The following CPED1 variants were observed in gnomAD, a reference collection of about 807,000 sequenced individuals.
CPED1 encodes cadherin like and PC-esterase domain containing 1, also known as cadherin-like and PC-esterase domain-containing protein 1.
Under a neutral mutation model 128.2 loss-of-function variants are expected in CPED1, and 114 were observed. That is an observed-to-expected ratio of 0.89 (90% CI 0.76 to 1.04). The LOEUF (loss-of-function observed/expected upper bound fraction) is 1.04, where lower values mean the gene tolerates loss of function less well. CPED1 is among the 50% of genes least tolerant of loss of function. CPED1 has a pLI of 0.00. For missense variants in CPED1, 1,211 were observed against 1,207.1 expected (o/e 1.00, Z -0.05); for synonymous variants, 462 against 426.7 (o/e 1.08, Z -1.02).
At chr7:121,288,881 G>A (rs1792636608) in intron 22 of CPED1, among the ~76,000 whole-genome samples, 1 of 152,156 alleles carries the variant, frequency 6.6e-6, no homozygotes, top group South Asian at 2.1e-4. Flanking sequence ...AAGGTCGAAT[G>A]TTATATTTAT....
At chr7:121,045,279 C>T (rs1793165640) in intron 3 of CPED1, among the ~76,000 whole-genome samples, 1 of 152,280 alleles carries the variant, frequency 6.6e-6, no homozygotes, top group East Asian at 1.9e-4. Context: ...CCTTATTGTG[C>T]TGTCTTCCAG....
chr7:121,173,352 G>A (rs1245899402), intron 16 of CPED1, among the ~76,000 whole-genome samples: 1 of 151,900 alleles, frequency 6.6e-6, no homozygotes, highest in Non-Finnish European at 1.5e-5. Context: ...TCCTTACCCA[G>A]GTACTAAGCC....
intron 3 of CPED1, among the ~76,000 whole-genome samples, chr7:121,037,975 G>T (rs113621872): frequency 0.013 from 1,909 of 151,918 alleles, 14 homozygotes; most frequent in East Asian, 0.024. Flanking sequence ...ACTGATTTGT[G>T]TACATTAATT....
At chr7:121,064,148 T>A (rs1229061193) in intron 4 of CPED1, 90 bp from the exon 5 acceptor site, 1 of 843,890 alleles carries the variant, frequency 1.2e-6, no homozygotes, top group African/African-American at 1.7e-5. Flanking sequence ...GTGCATCCCA[T>A]CTATACTCTC....
intron 18 of CPED1, among the ~76,000 whole-genome samples, chr7:121,256,691 C>G (rs983812983): frequency 6.6e-6 from 1 of 151,996 alleles, no homozygotes; most frequent in Non-Finnish European, 1.5e-5. Context: ...CCAGCAAACC[C>G]ATTACTGGGT....
At chr7:121,261,941 T>A in intron 18 of CPED1, 1 of 464,534 alleles carries the variant, frequency 2.2e-6, no homozygotes, top group South Asian at 2.3e-5. Context: ...GGATGTTTGT[T>A]TCCTCCAAGT....
intron 3 of CPED1, among the ~76,000 whole-genome samples, chr7:121,021,917 A>G (rs1430701163): frequency 3.3e-5 from 5 of 151,990 alleles, no homozygotes; most frequent in African/African-American, 4.8e-5. Context: ...GGATGTTATT[A>G]TGGGTAAAAT....
At chr7:121,112,850 T>G (rs1269262699) in intron 7 of CPED1, among the ~76,000 whole-genome samples, 1 of 152,138 alleles carries the variant, frequency 6.6e-6, no homozygotes, top group Admixed American at 6.5e-5. Context: ...GCCACACTAA[T>G]GAAATACTTT....
At chr7:121,254,515 C>G (rs1301354201) in intron 18 of CPED1, among the ~76,000 whole-genome samples, 1 of 151,634 alleles carries the variant, frequency 6.6e-6, no homozygotes. Flanking sequence ...AAAAAGAGAA[C>G]AAACTAAGCC....
intron 18 of CPED1, among the ~76,000 whole-genome samples, chr7:121,255,267 G>A (rs945427730): frequency 2.0e-5 from 3 of 151,938 alleles, no homozygotes; most frequent in African/African-American, 7.2e-5. Flanking sequence ...ATGCAAATCA[G>A]TAAATGTGAT....
At chr7:121,271,043 A>C (rs1782998945) in intron 21 of CPED1, among the ~76,000 whole-genome samples, 1 of 152,080 alleles carries the variant, frequency 6.6e-6, no homozygotes. Context: ...CTTTTTACTG[A>C]AGAAGTTCAA....
At chr7:121,107,933 A>G (rs1795016979) in intron 7 of CPED1, among the ~76,000 whole-genome samples, 2 of 152,230 alleles carry the variant, frequency 1.3e-5, no homozygotes, top group Non-Finnish European at 2.9e-5. Flanking sequence ...TTCAGGAGAA[A>G]ATCTGACTTG....
chr7:121,236,807 A>C lies in CPED1; in HGVS notation c.2149A>C (p.Arg717=). 6.2e-7 allele frequency: 1 copy of C among 1,600,996 alleles called. No homozygotes were observed. The highest frequency in any genetic ancestry group is 1.7e-5 in the Admixed American group (1 of 58,238). Residue 717 remains arginine, a synonymous_variant, in exon 17 of 23, where the codon AGA becomes CGA. Transcript: ENST00000310396. ...AGCCATTTTACAGTCTGAACTAAAA[A>C]GATGTCCATCTGGGGACATGAAAGG... is the stretch of plus-strand genomic sequence containing the variant. The part of the protein sequence containing the change: ...IEAILQSELK[R]CPSGDMKGQW...
chr7:121,163,498 T>C (rs1796456968), intron 16 of CPED1, among the ~76,000 whole-genome samples: 1 of 152,232 alleles, frequency 6.6e-6, no homozygotes, highest in African/African-American at 2.4e-5. Context: ...CTCCAGAGCC[T>C]ACAGGCTGCT....
intron 5 of CPED1, among the ~76,000 whole-genome samples, chr7:121,093,572 T>A (rs150623400): frequency 2.8e-4 from 43 of 152,098 alleles, no homozygotes; most frequent in African/African-American, 9.4e-4. Context: ...CAGGGAGCCG[T>A]CCTCCACAGA....
At chr7:121,029,724 T>C (rs775035716) in intron 3 of CPED1, among the ~76,000 whole-genome samples, 1 of 152,194 alleles carries the variant, frequency 6.6e-6, no homozygotes. Flanking sequence ...GTACATGACA[T>C]GATTACCACA....
In CPED1 at chr7:121,188,893, G is replaced by A. The variant is rs112094669; in HGVS notation, c.2055+46752G>A. On this transcript the variant is annotated intron_variant, in intron 16 of 22. Transcript: ENST00000310396. ...AAGAGAAGACTAGGATCTAAGCTTG[G>A]GTGAGGGAGGTAATGCTCCTTGCAC... is the stretch of plus-strand genomic sequence containing the variant. Among the ~76,000 whole-genome samples, 197 of 152,224 alleles carry A rather than the reference G, an allele frequency of 1.3e-3. 3 individuals carry two copies. Among genetic ancestry groups the A allele is most frequent in the African/African-American group, 4.5e-3 (188 of 41,560 alleles).
intron 7 of CPED1, among the ~76,000 whole-genome samples, chr7:121,107,245 C>T (rs1390810723): frequency 6.6e-6 from 1 of 152,044 alleles, no homozygotes; most frequent in Non-Finnish European, 1.5e-5. Context: ...AAATCTTTAT[C>T]CCTAAGACTT....
At chr7:121,198,667 A>C (rs1204008010) in intron 16 of CPED1, among the ~76,000 whole-genome samples, 9 of 152,136 alleles carry the variant, frequency 5.9e-5, no homozygotes, top group Admixed American at 5.9e-4. Flanking sequence ...CCTTCTCTGC[A>C]GCTCATGTGA....
Sources: allele counts gnomAD v4.1 joint callset (sites outside exome capture counted in the v4.1 genomes callset), GRCh38; gene constraint gnomAD v4.1.1; transcripts MANE v1.5; gene names NCBI Gene and HGNC (gene_info 2026-07-23, HGNC 2026-07-21).